SYTL3: variants seen among roughly 807,000 people sequenced by gnomAD.
The protein encoded by SYTL3 is synaptotagmin-like protein 3.
Under a neutral mutation model 82.1 loss-of-function variants are expected in SYTL3, and 88 were observed. That is an observed-to-expected ratio of 1.07 (90% CI 0.90 to 1.28). The LOEUF (loss-of-function observed/expected upper bound fraction) is 1.28, where lower values mean the gene tolerates loss of function less well. Among genes scored for constraint, SYTL3 ranks in the 50% most tolerant of loss-of-function variants. The pLI, the probability that SYTL3 is intolerant of heterozygous loss-of-function variation, is 0.00. For synonymous variants in SYTL3, 311 were observed against 289.4 expected, an observed-to-expected ratio of 1.07 and a Z score of -0.76; for missense variants, 831 against 757.6, an observed-to-expected ratio of 1.10 and a Z score of -1.14.
At chr6:158,746,448 TA>T in intron 12 of SYTL3, among the ~76,000 whole-genome samples, 1 of 135,426 alleles carries the variant, frequency 7.4e-6, no homozygotes, top group Non-Finnish European at 1.6e-5. Context: ...ATTATAATAA[TA>T]ATAATAATAA....
Position 158,745,628 on chromosome 6 carries a change from AT to A in SYTL3, c.1005del (p.Tyr335Ter). The A allele has an allele frequency of 6.2e-7, 1 of 1,604,628 alleles. No homozygotes were observed. The highest frequency in any genetic ancestry group is 8.5e-7 in the Non-Finnish European group (1 of 1,177,232). On this transcript the variant is annotated frameshift_variant, in exon 12 of 18. Transcript: ENST00000611299. LOFTEE classifies it high-confidence loss of function. Reference protein sequence around the residue: ...ICIKACKNLAYGEEKKKKCNP... With the variant: ...ICIKACKNLAXGEEKKKKCNP... ...ATCAAGGCCTGTAAGAACCTTGCCTATGGAGAAGAAAAGAAGAAAAAGTGCA... is the reference window on the plus strand; with the variant it reads ...ATCAAGGCCTGTAAGAACCTTGCCTAGGAGAAGAAAAGAAGAAAAAGTGCA...
rs1053767212 is a variant in SYTL3, at chr6:158,708,410, G to C, written c.516+19G>C. The C allele has an allele frequency of 3.7e-6, 6 of 1,610,948 alleles. No individual in the cohort carries two copies. In the East Asian group the frequency reaches 1.3e-4, roughly 36 times the overall value. ...TGGCAGGGTAACGTATCCATTCTGG[G>C]CACTTCTCTAGTAGGGGTCAGGGGA... On this transcript the variant is annotated intron_variant, in intron 8 of 17. Coordinates refer to ENST00000611299, the MANE Select transcript of SYTL3 (RefSeq NM_001242394.2).
At chr6:158,664,406 G>A (rs549974997) in intron 4 of SYTL3, among the ~76,000 whole-genome samples, 65 of 152,180 alleles carry the variant, frequency 4.3e-4, no homozygotes, top group Non-Finnish European at 5.9e-4. Context: ...TTAGCCGGGC[G>A]GTGGCAGGTG....
At position 158,674,865 on chromosome 6, in the gene SYTL3, T is replaced by A. The variant is rs149384026; in HGVS notation, c.330-8060T>A. On this transcript the variant is annotated intron_variant, in intron 5 of 17. Coordinates refer to ENST00000611299, the MANE Select transcript of SYTL3 (RefSeq NM_001242394.2). The stretch of plus-strand genomic sequence containing the variant: ...TTTAGTGCTTCAAAATGGGTGTGTA[T>A]CCTCTGGTTAAGCAAGTTCCCACCC... Among the ~76,000 whole-genome samples, 211 of 152,120 alleles carry A rather than the reference T, an allele frequency of 1.4e-3. 1 individual carries two copies. The highest frequency in any genetic ancestry group is 2.5e-3 in the Non-Finnish European group (170 of 67,994).
intron 2 of SYTL3, among the ~76,000 whole-genome samples, chr6:158,660,401 G>A (rs980997158): frequency 6.6e-6 from 1 of 152,276 alleles, no homozygotes; most frequent in Non-Finnish European, 1.5e-5. Context: ...GTAACGCGGA[G>A]TGAATGGGCA....
intron 11 of SYTL3, among the ~76,000 whole-genome samples, chr6:158,744,531 G>C (rs1787374344): frequency 6.6e-6 from 1 of 151,780 alleles, no homozygotes; most frequent in South Asian, 2.1e-4. Flanking sequence ...TTGTTAGCCA[G>C]GATGGTCTCG....
chr6:158,756,114 G>A (rs1789021705), intron 13 of SYTL3, among the ~76,000 whole-genome samples: 1 of 152,250 alleles, frequency 6.6e-6, no homozygotes, highest in Non-Finnish European at 1.5e-5. Context: ...TAAGCTTAAA[G>A]TGAGGCCCTC....
chr6:158,732,500 A>C (rs1785534967), intron 11 of SYTL3, among the ~76,000 whole-genome samples: 1 of 152,222 alleles, frequency 6.6e-6, no homozygotes, highest in Non-Finnish European at 1.5e-5. Context: ...CCTCTAATCG[A>C]CAAGACGTAG....
intron 2 of SYTL3, among the ~76,000 whole-genome samples, chr6:158,658,944 T>C (rs1426504419): frequency 6.6e-6 from 1 of 152,016 alleles, no homozygotes; most frequent in African/African-American, 2.4e-5. Flanking sequence ...AAAGAGGGTA[T>C]GTCTCAATCT....
At position 158,764,652 on chromosome 6, in the gene SYTL3, C is replaced by T. The variant is rs369681002; in HGVS notation, c.*48C>T. On this transcript the variant is annotated 3_prime_UTR_variant, in exon 18 of 18. Coordinates refer to ENST00000611299, the MANE Select transcript of SYTL3 (RefSeq NM_001242394.2). ...GTTGCAGCAGGCGTGAGGCACTGTG[C>T]GTCTGCAGAGGGGCTACGAACCAGG... The T allele has an allele frequency of 2.7e-5, 37 of 1,392,512 alleles. No individual in the cohort carries two copies. Among genetic ancestry groups the T allele is most frequent in the Middle Eastern group, 1.8e-4 (1 of 5,688 alleles). 86.3% of individuals were successfully genotyped at this position (1,392,512 alleles called of 1,614,324 possible). A position where few individuals can be genotyped will look rare whatever the true frequency, so the allele number is the denominator to read the frequency against.
intron 6 of SYTL3, among the ~76,000 whole-genome samples, chr6:158,701,222 A>G (rs1392049934): frequency 4.8e-5 from 3 of 62,104 alleles, no homozygotes; most frequent in African/African-American, 2.7e-4. Flanking sequence ...GTGTAGATGA[A>G]GGAGTGTGAG....
At position 158,693,844 on chromosome 6, in the gene SYTL3, C is replaced by CTTTTACTTTTTTTTTTTTTT. The variant is rs763990639; in HGVS notation, c.394+10859_394+10860insACTTTTTTTTTTTTTTTTTT. Among the ~76,000 whole-genome samples, 106 of 55,588 alleles carry CTTTTACTTTTTTTTTTTTTT rather than the reference C, an allele frequency of 1.9e-3. 7 individuals are homozygous for CTTTTACTTTTTTTTTTTTTT. The highest frequency in any genetic ancestry group is 4.0e-3 in the South Asian group (7 of 1,740). 36.5% of individuals were successfully genotyped at this position (55,588 alleles called of 152,430 possible). ...AGGTGTGCCACTGCATCCAGCCTTT[C>CTTTTACTTTTTTTTTTTTTT]TTTTTCTTTTCTTTTTTTTTTTTTT... On this transcript the variant is annotated intron_variant, in intron 6 of 17. Coordinates refer to ENST00000611299, the MANE Select transcript of SYTL3 (RefSeq NM_001242394.2).
intron 11 of SYTL3, among the ~76,000 whole-genome samples, chr6:158,737,647 G>A (rs1454281476): frequency 6.6e-6 from 1 of 152,190 alleles, no homozygotes; most frequent in Non-Finnish European, 1.5e-5. Context: ...GAATCTTTTG[G>A]TTGACTCCAT....
intron 11 of SYTL3, among the ~76,000 whole-genome samples, chr6:158,745,074 A>G (rs1028621411): frequency 3.3e-5 from 5 of 152,036 alleles, no homozygotes; most frequent in Non-Finnish European, 7.3e-5. Context: ...GTCCAGGTCT[A>G]TCTGATTCCC....
chr6:158,747,360 A>G (rs1787795484), intron 12 of SYTL3, among the ~76,000 whole-genome samples: 1 of 151,392 alleles, frequency 6.6e-6, no homozygotes, highest in Admixed American at 6.6e-5. Flanking sequence ...ATTAATTAAA[A>G]TTAATTTTTT....
At chr6:158,722,530 A>C (rs1020644802) in intron 10 of SYTL3, among the ~76,000 whole-genome samples, 1 of 152,216 alleles carries the variant, frequency 6.6e-6, no homozygotes, top group African/African-American at 2.4e-5. Flanking sequence ...AAAAATGCTG[A>C]CTTAAGCATC....
At chr6:158,669,203 T>A (rs1777086914) in intron 5 of SYTL3, among the ~76,000 whole-genome samples, 1 of 152,224 alleles carries the variant, frequency 6.6e-6, no homozygotes, top group South Asian at 2.1e-4. Context: ...CCTTGATGAT[T>A]TATGTTTGCA....
rs192871612 is a variant in SYTL3 at position 158,756,373 on chromosome 6, G to A, written c.1138-838G>A. On this transcript the variant is annotated intron_variant, in intron 13 of 17. Coordinates refer to ENST00000611299, the MANE Select transcript of SYTL3 (RefSeq NM_001242394.2). ...CCAGGGCAAACACGTGGTGTTGCGG[G>A]GAATGGAGGAGGGGGGAGTTCATGC... 1.1e-3 allele frequency among the ~76,000 whole-genome samples: 165 copies of A among 152,356 alleles called. 1 individual carries two copies. Among genetic ancestry groups the A allele is most frequent in the Admixed American group, 3.2e-3 (49 of 15,292 alleles).
Position 158,764,795 on chromosome 6 carries a change from C to T in SYTL3, c.*191C>T, listed in dbSNP as rs572556697. The stretch of plus-strand genomic sequence containing the variant: ...ATTTACGTTAAACACAATTATGTTA[C>T]CTAAGCCTCTGGTGGGTTATCTCCT... On this transcript the variant is annotated 3_prime_UTR_variant, in exon 18 of 18. Coordinates refer to ENST00000611299, the MANE Select transcript of SYTL3 (RefSeq NM_001242394.2). 2 of 492,010 alleles carry T rather than the reference C, an allele frequency of 4.1e-6. No individual in the cohort carries two copies. The highest frequency in any genetic ancestry group is 3.6e-5 in the South Asian group (1 of 28,116). 30.5% of individuals were successfully genotyped at this position (492,010 alleles called of 1,614,324 possible).
Sources: gnomAD v4.1 joint callset for allele counts (sites outside exome capture counted in the v4.1 genomes callset) on GRCh38, gnomAD v4.1.1 for gene constraint, MANE v1.5 for transcripts, NCBI Gene and HGNC (gene_info 2026-07-23, HGNC 2026-07-21) for gene names.